Variants in IGFBP7 observed in about 807,000 individuals in gnomAD.
IGFBP7 encodes the protein insulin-like growth factor-binding protein 7.
Under a neutral mutation model 29.4 loss-of-function variants are expected in IGFBP7, and 31 were observed. The observed-to-expected ratio is 1.05, with a 90% CI of 0.79 to 1.42. The LOEUF is 1.42. IGFBP7 is among the 40% of genes most tolerant of loss of function. The pLI is 0.00. For missense variants in IGFBP7, 393 were observed against 395.5 expected (o/e 0.99, Z 0.05); for synonymous variants, 172 against 174.9 (o/e 0.98, Z 0.13).
chr4:57,053,130 C>A (rs1724553252), intron 1 of IGFBP7, among the ~76,000 whole-genome samples: 1 of 151,958 alleles, frequency 6.6e-6, no homozygotes, highest in East Asian at 1.9e-4. Context: ...AGTTCTCCTG[C>A]CTCAGCCTCC....
At chr4:57,034,354 T>A (rs564177848) in intron 2 of IGFBP7, among the ~76,000 whole-genome samples, 42 of 148,518 alleles carry the variant, frequency 2.8e-4, no homozygotes, top group Middle Eastern at 3.4e-3. Flanking sequence ...TGGTGAGTTT[T>A]AAAAAAAAAA....
chr4:57,050,206 T>C (rs1560494053), intron 1 of IGFBP7, among the ~76,000 whole-genome samples: 1 of 152,118 alleles, frequency 6.6e-6, no homozygotes, highest in East Asian at 1.9e-4. Context: ...ACTATTCACA[T>C]TATGGTTCTC....
chr4:57,038,268 C>T (rs1170493363), intron 2 of IGFBP7, among the ~76,000 whole-genome samples: 1 of 152,194 alleles, frequency 6.6e-6, no homozygotes, highest in Non-Finnish European at 1.5e-5. Flanking sequence ...AGAAGGGAAG[C>T]CCTTTCTTTC....
chr4:57,079,888 C>A (rs974493048), intron 1 of IGFBP7, among the ~76,000 whole-genome samples: 3 of 152,178 alleles, frequency 2.0e-5, no homozygotes, highest in African/African-American at 7.2e-5. Flanking sequence ...CATATATTAT[C>A]TCAGGTAATC....
intron 1 of IGFBP7, among the ~76,000 whole-genome samples, chr4:57,042,971 G>A (rs1005251513): frequency 6.6e-6 from 1 of 152,230 alleles, no homozygotes; most frequent in African/African-American, 2.4e-5. Context: ...CCCCCTGGGT[G>A]ATTTCTGGTT....
At chr4:57,085,306 T>C (rs951192932) in intron 1 of IGFBP7, among the ~76,000 whole-genome samples, 1 of 152,200 alleles carries the variant, frequency 6.6e-6, no homozygotes, top group African/African-American at 2.4e-5. Context: ...ACTCCTGTTA[T>C]CCGTATGCTA....
intron 1 of IGFBP7, among the ~76,000 whole-genome samples, chr4:57,080,697 T>A (rs959549658): frequency 1.3e-5 from 2 of 152,082 alleles, no homozygotes; most frequent in African/African-American, 4.8e-5. Flanking sequence ...CTGGCTGACA[T>A]TTTCTTTTCT....
chr4:57,108,437 C>T (rs1429549729), intron 1 of IGFBP7, among the ~76,000 whole-genome samples: 1 of 152,156 alleles, frequency 6.6e-6, no homozygotes, highest in Non-Finnish European at 1.5e-5. Context: ...CTGACTTTCC[C>T]TTGAAAATAC....
At chr4:57,061,330 T>C (rs1278577925) in intron 1 of IGFBP7, among the ~76,000 whole-genome samples, 2 of 152,182 alleles carry the variant, frequency 1.3e-5, no homozygotes, top group Non-Finnish European at 2.9e-5. Context: ...TTTTCCTATA[T>C]ATACATACCT....
At chr4:57,098,208 TAGG>T (rs11573038) in intron 1 of IGFBP7, among the ~76,000 whole-genome samples, 8,494 of 152,070 alleles carry the variant, frequency 0.056, 294 homozygotes, top group East Asian at 0.17. Flanking sequence ...GGGACGGAGT[TAGG>T]AGGAGTGGAC....
intron 1 of IGFBP7, among the ~76,000 whole-genome samples, chr4:57,052,724 C>A (rs572096195): frequency 2.0e-5 from 3 of 152,222 alleles, no homozygotes; most frequent in Admixed American, 6.5e-5. Context: ...GACCGCGTGC[C>A]CAGGTCTTGT....
intron 1 of IGFBP7, among the ~76,000 whole-genome samples, chr4:57,100,406 T>C (rs1445212246): frequency 1.3e-5 from 2 of 152,192 alleles, no homozygotes; most frequent in African/African-American, 4.8e-5. Context: ...AATCTGGCTA[T>C]AGAAGGACTA....
At chr4:57,036,897 C>T (rs1430115450) in intron 2 of IGFBP7, among the ~76,000 whole-genome samples, 1 of 152,214 alleles carries the variant, frequency 6.6e-6, no homozygotes, top group Non-Finnish European at 1.5e-5. Flanking sequence ...ATTTGAAACA[C>T]ACATGATAGT....
intron 1 of IGFBP7, chr4:57,073,231 G>A: frequency 3.0e-6 from 2 of 665,952 alleles, no homozygotes; most frequent in Non-Finnish European, 4.6e-6. Context: ...ATCTTGAGCT[G>A]TGGTATTATT....
At chr4:57,056,971 A>G (rs2109761554) in intron 1 of IGFBP7, among the ~76,000 whole-genome samples, 1 of 152,218 alleles carries the variant, frequency 6.6e-6, no homozygotes, top group Middle Eastern at 3.4e-3. Context: ...GTGCAGGGAG[A>G]CACAGAAAGG....
chr4:57,078,557 T>C (rs1309042278), intron 1 of IGFBP7, among the ~76,000 whole-genome samples: 2 of 152,218 alleles, frequency 1.3e-5, no homozygotes, highest in African/African-American at 4.8e-5. Context: ...AATGCAGTTC[T>C]TCCAGCTCTT....
chr4:57,067,865 T>C (rs760787712), intron 1 of IGFBP7, among the ~76,000 whole-genome samples: 1 of 152,168 alleles, frequency 6.6e-6, no homozygotes, highest in Non-Finnish European at 1.5e-5. Flanking sequence ...GTTTTACTTG[T>C]TTTTCATAAA....
At chr4:57,070,998 C>G (rs571608182) in intron 1 of IGFBP7, among the ~76,000 whole-genome samples, 2 of 152,326 alleles carry the variant, frequency 1.3e-5, no homozygotes, top group African/African-American at 4.8e-5. Flanking sequence ...TCATTGCACA[C>G]TACTTCATAT....
chr4:57,107,600 T>G (rs1726064293), intron 1 of IGFBP7, among the ~76,000 whole-genome samples: 1 of 152,226 alleles, frequency 6.6e-6, no homozygotes, highest in African/African-American at 2.4e-5. Context: ...CCCATTCTCT[T>G]CTGCTCTCTT....
Sources: allele counts gnomAD v4.1 joint callset (sites outside exome capture counted in the v4.1 genomes callset), GRCh38; gene constraint gnomAD v4.1.1; transcripts MANE v1.5; gene names NCBI Gene and HGNC (gene_info 2026-07-23, HGNC 2026-07-21).